The following TRIO variants were observed in gnomAD, a reference collection of about 807,000 sequenced individuals.
TRIO encodes the protein trio Rho guanine nucleotide exchange factor.
A neutral mutation model predicts 351.9 loss-of-function variants in TRIO; 58 were observed. The observed-to-expected ratio is 0.16, with a 90% CI of 0.13 to 0.21. The LOEUF (loss-of-function observed/expected upper bound fraction) is 0.21, where lower values mean the gene tolerates loss of function less well. Among genes scored for constraint, TRIO ranks in the 10% least tolerant of loss-of-function variants. The pLI is 1.00. For missense variants in TRIO, 3,201 were observed against 4,027.8 expected (o/e 0.79, Z 5.56); for synonymous variants, 1,758 against 1,595.7 (o/e 1.10, Z -2.42).
intron 2 of TRIO, among the ~76,000 whole-genome samples, chr5:14,272,013 G>GA (rs144419613): frequency 0.033 from 4,975 of 152,272 alleles, 289 homozygotes; most frequent in African/African-American, 0.11. Context: ...AGGAGTTCAT[G>GA]AAAAGAAGGT....
intron 11 of TRIO, among the ~76,000 whole-genome samples, chr5:14,338,144 T>C (rs942041497): frequency 6.6e-6 from 1 of 152,208 alleles, no homozygotes; most frequent in African/African-American, 2.4e-5. Flanking sequence ...TGTCTCTTGC[T>C]GCCCTCCAGC....
intron 55 of TRIO, among the ~76,000 whole-genome samples, chr5:14,506,090 C>A (rs528456906): frequency 6.6e-6 from 1 of 152,176 alleles, no homozygotes; most frequent in African/African-American, 2.4e-5. Flanking sequence ...CCTCAGGACC[C>A]GGGAGGTCTC....
At chr5:14,386,568 A>G (rs1746561239) in intron 21 of TRIO, among the ~76,000 whole-genome samples, 1 of 152,226 alleles carries the variant, frequency 6.6e-6, no homozygotes, top group South Asian at 2.1e-4. Context: ...GGTTCCATAG[A>G]AGAGGAGTAA....
intron 1 of TRIO, among the ~76,000 whole-genome samples, chr5:14,245,845 GCA>G (rs1201023754): frequency 6.6e-6 from 1 of 152,230 alleles, no homozygotes; most frequent in South Asian, 2.1e-4. Context: ...CCTTCCTAAA[GCA>G]CAGTTTGCCA....
At chr5:14,173,627 A>G (rs79187201) in intron 1 of TRIO, among the ~76,000 whole-genome samples, 1,947 of 152,320 alleles carry the variant, frequency 0.013, 30 homozygotes, top group African/African-American at 0.044. Context: ...AGGAGGCTAC[A>G]GGCAATCAGG....
intron 53 of TRIO, among the ~76,000 whole-genome samples, chr5:14,500,186 A>G (rs1293103128): frequency 1.3e-5 from 2 of 152,172 alleles, no homozygotes; most frequent in Admixed American, 1.3e-4. Context: ...TATGTGGACT[A>G]TTCCAAGATG....
intron 11 of TRIO, among the ~76,000 whole-genome samples, chr5:14,353,908 A>G (rs1743375283): frequency 6.6e-6 from 1 of 152,200 alleles, no homozygotes; most frequent in Non-Finnish European, 1.5e-5. Context: ...ACTTGGTAAA[A>G]TCGTTTTGTA....
At chr5:14,290,470 G>A (rs780612464) in intron 4 of TRIO, among the ~76,000 whole-genome samples, 1 of 152,102 alleles carries the variant, frequency 6.6e-6, no homozygotes, top group Non-Finnish European at 1.5e-5. Context: ...TGAAATACAC[G>A]ATTCTACAGT....
At chr5:14,339,587 AC>A (rs1337326527) in intron 11 of TRIO, among the ~76,000 whole-genome samples, 1 of 152,094 alleles carries the variant, frequency 6.6e-6, no homozygotes, top group Admixed American at 6.5e-5. Context: ...GCACCATCTT[AC>A]TTGTGTGCAC....
chr5:14,166,340 C>T (rs1788763204), intron 1 of TRIO, among the ~76,000 whole-genome samples: 1 of 152,226 alleles, frequency 6.6e-6, no homozygotes, highest in Admixed American at 6.5e-5. Context: ...TCTCTTACTG[C>T]TTGATCCCAA....
intron 1 of TRIO, among the ~76,000 whole-genome samples, chr5:14,269,123 G>A (rs912415927): frequency 5.9e-5 from 9 of 152,148 alleles, no homozygotes; most frequent in African/African-American, 1.9e-4. Flanking sequence ...CCCATAACTG[G>A]CTGAATAGTT....
At chr5:14,298,852 T>C (rs924044840) in intron 7 of TRIO, among the ~76,000 whole-genome samples, 1 of 152,228 alleles carries the variant, frequency 6.6e-6, no homozygotes, top group Non-Finnish European at 1.5e-5. Flanking sequence ...AAAAACAACT[T>C]TTTAAAGTAA....
At chr5:14,337,624 G>A (rs1197678351) in intron 11 of TRIO, among the ~76,000 whole-genome samples, 2 of 152,170 alleles carry the variant, frequency 1.3e-5, no homozygotes, top group Non-Finnish European at 2.9e-5. Context: ...GGGAAAGAGG[G>A]GAGGGCGAGG....
chr5:14,504,381 C>CA lies in TRIO; in HGVS notation c.8412-11dup. On this transcript the variant is annotated splice_polypyrimidine_tract_variant and intron_variant, in intron 54 of 56. Coordinates refer to ENST00000344204, the MANE Select transcript of TRIO (RefSeq NM_007118.4). ...CAGCCTCTGCAAATGGTCCCCCTGA[C>CA]ATATTTTACAGGGGCAGATTCTCTG... The CA allele has an allele frequency of 6.2e-7, 1 of 1,613,854 alleles. No individual in the cohort carries two copies. Among genetic ancestry groups the CA allele is most frequent in the Non-Finnish European group, 8.5e-7 (1 of 1,179,856 alleles).
intron 33 of TRIO, among the ~76,000 whole-genome samples, chr5:14,416,741 C>T (rs1274287164): frequency 1.3e-5 from 2 of 152,198 alleles, no homozygotes; most frequent in Admixed American, 1.3e-4. Flanking sequence ...CCTCTCTCCC[C>T]TTCCCACCCT....
intron 21 of TRIO, among the ~76,000 whole-genome samples, chr5:14,386,099 A>G (rs1746516140): frequency 6.6e-6 from 1 of 152,238 alleles, no homozygotes; most frequent in Non-Finnish European, 1.5e-5. Flanking sequence ...TGCTATGGGA[A>G]GCAGCAGAGC....
At chr5:14,194,727 A>G (rs371832852) in intron 1 of TRIO, among the ~76,000 whole-genome samples, 2 of 152,340 alleles carry the variant, frequency 1.3e-5, no homozygotes, top group East Asian at 1.9e-4. Flanking sequence ...TAATGATTTA[A>G]GTCTGTATTT....
chr5:14,304,390 C>G, intron 7 of TRIO, 71 bp from the exon 8 acceptor site: 2 of 1,499,312 alleles, frequency 1.3e-6, no homozygotes, highest in Admixed American at 2.1e-5. Flanking sequence ...TTTTCAAAAC[C>G]ATGTTAAAAA....
At position 14,501,124 on chromosome 5, in the gene TRIO, ATATTTT is replaced by A. The variant is rs551688626; in HGVS notation, c.8333-1451_8333-1446del. Among the ~76,000 whole-genome samples, 414 of 152,128 alleles carry A rather than the reference ATATTTT, an allele frequency of 2.7e-3. 3 individuals carry two copies. Among genetic ancestry groups the A allele is most frequent in the Non-Finnish European group, 4.3e-3 (295 of 68,004 alleles). On this transcript the variant is annotated intron_variant, in intron 53 of 56. Coordinates refer to ENST00000344204, the MANE Select transcript of TRIO (RefSeq NM_007118.4). ...CTTTCAGTTAAAAAAAGAAGAAAAA[ATATTTT>A]TATGTAAATAATAGTCCAATATTTC...
Sources: gnomAD v4.1 joint callset for allele counts (sites outside exome capture counted in the v4.1 genomes callset) on GRCh38, gnomAD v4.1.1 for gene constraint, MANE v1.5 for transcripts, NCBI Gene and HGNC (gene_info 2026-07-23, HGNC 2026-07-21) for gene names.